The following HIP1 variants were observed in gnomAD, a reference collection of about 807,000 sequenced individuals.
HIP1 encodes the protein huntingtin interacting protein 1.
HIP1 carries 65 observed loss-of-function variants against 147.6 expected under a neutral mutation model. That is an observed-to-expected ratio of 0.44 (90% CI 0.36 to 0.54). HIP1 has a LOEUF of 0.54. Ranked by LOEUF, HIP1 falls within the 20% of genes least tolerant of loss-of-function variation. The probability of loss-of-function intolerance (pLI) is 0.00; values close to 1 mark genes in which losing one functional copy is unlikely to be tolerated. For missense variants in HIP1, 1,061 were observed against 1,299.6 expected (o/e 0.82, Z 2.82); for synonymous variants, 479 against 504.0 (o/e 0.95, Z 0.67).
At chr7:75,682,037 T>TC (rs1158949450) in intron 1 of HIP1, among the ~76,000 whole-genome samples, 1 of 144,752 alleles carries the variant, frequency 6.9e-6, no homozygotes, top group Non-Finnish European at 1.5e-5. Context: ...TTTTTTTTTT[T>TC]TTTTTTTTTG....
chr7:75,696,517 CTCCCCTCCCT>C, intron 1 of HIP1, among the ~76,000 whole-genome samples: 1 of 120,486 alleles, frequency 8.3e-6, no homozygotes, highest in Admixed American at 8.4e-5. Flanking sequence ...TTCTCCTCCC[CTCCCCTCCCT>C]TCCCCTCCCC....
chr7:75,698,381 C>A (rs1800705152), intron 1 of HIP1, among the ~76,000 whole-genome samples: 1 of 152,098 alleles, frequency 6.6e-6, no homozygotes, highest in South Asian at 2.1e-4. Context: ...GTGATTAGGC[C>A]AATTGTCACA....
chr7:75,727,551 CTT>C (rs1276136664), intron 1 of HIP1, among the ~76,000 whole-genome samples: 5 of 151,910 alleles, frequency 3.3e-5, no homozygotes, highest in African/African-American at 1.2e-4. Flanking sequence ...CCAGAAAAGA[CTT>C]AGAAAAATAA....
intron 1 of HIP1, 57 bp from the exon 2 acceptor site, chr7:75,599,304 T>C (rs971328024): frequency 8.3e-6 from 11 of 1,322,162 alleles, no homozygotes; most frequent in Admixed American, 5.0e-5. Context: ...CCTCTGAGAG[T>C]GGCTGAGACC....
chr7:75,592,147 G>A, intron 3 of HIP1, 35 bp from the exon 4 acceptor site: 1 of 1,592,968 alleles, frequency 6.3e-7, no homozygotes, highest in South Asian at 1.1e-5. Context: ...TGAGAGAATG[G>A]AGAAGGAAAG....
At chr7:75,652,787 A>C (rs2046041215) in intron 1 of HIP1, among the ~76,000 whole-genome samples, 1 of 152,222 alleles carries the variant, frequency 6.6e-6, no homozygotes, top group South Asian at 2.1e-4. Flanking sequence ...TAAAATAGAA[A>C]GTCATATTCA....
chr7:75,580,755 C>G (rs1030023829), intron 7 of HIP1, among the ~76,000 whole-genome samples: 3 of 150,894 alleles, frequency 2.0e-5, no homozygotes, highest in Middle Eastern at 3.4e-3. Flanking sequence ...TCTCTTTTTT[C>G]TTTTGAGATG....
intron 1 of HIP1, among the ~76,000 whole-genome samples, chr7:75,723,987 C>T (rs1186417381): frequency 1.3e-5 from 2 of 151,764 alleles, no homozygotes; most frequent in African/African-American, 2.4e-5. Context: ...GACAGAGTCT[C>T]GCTCTGTCAC....
intron 1 of HIP1, chr7:75,638,949 A>G (rs1375982522): frequency 5.2e-6 from 2 of 387,738 alleles, no homozygotes; most frequent in Non-Finnish European, 3.5e-6. Context: ...AACAATCCAG[A>G]AACTTTCAAT....
chr7:75,732,376 T>C (rs1801863257), intron 1 of HIP1, among the ~76,000 whole-genome samples: 1 of 151,636 alleles, frequency 6.6e-6, no homozygotes, highest in Non-Finnish European at 1.5e-5. Flanking sequence ...GCTTTTTTTG[T>C]GTTGTTTTTC....
At chr7:75,729,567 C>G (rs1386591577) in intron 1 of HIP1, among the ~76,000 whole-genome samples, 3 of 152,042 alleles carry the variant, frequency 2.0e-5, no homozygotes, top group Admixed American at 2.0e-4. Flanking sequence ...GGGCAGATCA[C>G]CTGAGGTCAG....
At chr7:75,681,001 C>T (rs970189073) in intron 1 of HIP1, among the ~76,000 whole-genome samples, 1 of 152,092 alleles carries the variant, frequency 6.6e-6, no homozygotes, top group Non-Finnish European at 1.5e-5. Flanking sequence ...TGGTCTCAAT[C>T]CCCTGACCTC....
At position 75,663,964 on chromosome 7, in the gene HIP1, ATATATATACACATATATGTG is replaced by A. The variant is rs1563277997; in HGVS notation, c.121-64737_121-64718del. On this transcript the variant is annotated intron_variant, in intron 1 of 30. Transcript: ENST00000336926. ...TATATATATACACATATATGTGTAT[ATATATATACACATATATGTG>A]TATATATATACACATATATGTGTAT... 5.4e-4 allele frequency among the ~76,000 whole-genome samples: 15 copies of A among 27,556 alleles called. 3 individuals are homozygous for A. The highest frequency in any genetic ancestry group is 1.1e-3 in the Admixed American group (2 of 1,864). The allele number at this position is 27,556 out of a possible 152,430, so 18.1% of individuals were successfully genotyped here. A position where few individuals can be genotyped will look rare whatever the true frequency, so the allele number is the denominator to read the frequency against.
chr7:75,599,307 C>CT (rs1459092340), intron 1 of HIP1, 60 bp from the exon 2 acceptor site: 1 of 1,323,666 alleles, frequency 7.6e-7, no homozygotes, highest in Non-Finnish European at 1.1e-6. Context: ...CTGAGAGTGG[C>CT]TGAGACCCTC....
chr7:75,627,858 G>A (rs908636104), intron 1 of HIP1, among the ~76,000 whole-genome samples: 1 of 152,136 alleles, frequency 6.6e-6, no homozygotes, highest in Non-Finnish European at 1.5e-5. Context: ...AGGGGAGCTG[G>A]GCACAGGGAA....
chr7:75,607,950 A>G (rs1554504143), intron 1 of HIP1, among the ~76,000 whole-genome samples: 1 of 152,146 alleles, frequency 6.6e-6, no homozygotes, highest in Admixed American at 6.6e-5. Context: ...GAAATTTTCT[A>G]TACTTAGGCC....
intron 1 of HIP1, among the ~76,000 whole-genome samples, chr7:75,637,563 T>TTTTTTTTTTGGG (rs1584907476): frequency 8.6e-6 from 1 of 116,002 alleles, no homozygotes; most frequent in Non-Finnish European, 1.8e-5. Flanking sequence ...TTTTTTTTTT[T>TTTTTTTTTTGGG]GAGAGGGAGT....
intron 1 of HIP1, among the ~76,000 whole-genome samples, chr7:75,734,816 ATC>A (rs1413642835): frequency 2.3e-4 from 35 of 152,252 alleles, no homozygotes; most frequent in African/African-American, 8.4e-4. Flanking sequence ...GGAATGCCCC[ATC>A]CCCTCCTCCA....
At chr7:75,660,732 G>A (rs886615807) in intron 1 of HIP1, among the ~76,000 whole-genome samples, 10 of 152,028 alleles carry the variant, frequency 6.6e-5, no homozygotes, top group Admixed American at 5.3e-4. Context: ...TCTTTCCATC[G>A]TGCCCTGAGG....
Sources: allele counts gnomAD v4.1 joint callset (sites outside exome capture counted in the v4.1 genomes callset), GRCh38; gene constraint gnomAD v4.1.1; transcripts MANE v1.5; gene names NCBI Gene and HGNC (gene_info 2026-07-23, HGNC 2026-07-21).